Variants in SHROOM4 observed in about 807,000 individuals in gnomAD.
SHROOM4 encodes the protein shroom family member 4.
A neutral mutation model predicts 80.3 loss-of-function variants in SHROOM4; 17 were observed. The observed-to-expected ratio is 0.21, with a 90% confidence interval of 0.14 to 0.32. The LOEUF (loss-of-function observed/expected upper bound fraction) is 0.32. Ranked by LOEUF, SHROOM4 falls within the 10% of genes least tolerant of loss-of-function variation. The pLI is 1.00. For missense variants in SHROOM4, 993 were observed against 1,140.3 expected (o/e 0.87, Z 1.86); for synonymous variants, 400 against 437.5 (o/e 0.91, Z 1.07).
chrX:50,750,097 G>A (rs1934876714), intron 1 of SHROOM4, among the ~76,000 whole-genome samples: 1 of 111,631 alleles, frequency 9.0e-6, no homozygotes, highest in Admixed American at 9.5e-5. Context: ...TGGAATGATT[G>A]ATATAGAGGT....
chrX:50,636,207 G>T (rs1195895120), intron 3 of SHROOM4, among the ~76,000 whole-genome samples: 1 of 110,790 alleles, frequency 9.0e-6, no homozygotes, highest in Non-Finnish European at 1.9e-5. Context: ...TGAATCCTGA[G>T]AATTTGTACT....
intron 1 of SHROOM4, among the ~76,000 whole-genome samples, chrX:50,778,345 T>C (rs1481307291): frequency 2.7e-5 from 3 of 112,281 alleles, no homozygotes; most frequent in Non-Finnish European, 5.6e-5. Flanking sequence ...TCATTGCAAG[T>C]TATCTATTGG....
intron 5 of SHROOM4, among the ~76,000 whole-genome samples, chrX:50,618,832 A>G (rs1930450800): frequency 8.9e-6 from 1 of 112,192 alleles, no homozygotes; most frequent in African/African-American, 3.3e-5. Context: ...CCAGCTAGTA[A>G]AAAGCACAGT....
At chrX:50,757,737 C>T (rs781975908) in intron 1 of SHROOM4, among the ~76,000 whole-genome samples, 6 of 109,156 alleles carry the variant, frequency 5.5e-5, no homozygotes, top group East Asian at 2.9e-4. Flanking sequence ...GCAAGAGAAT[C>T]GCTTGAACCC....
At chrX:50,735,913 A>G (rs1934475795) in intron 1 of SHROOM4, among the ~76,000 whole-genome samples, 1 of 109,117 alleles carries the variant, frequency 9.2e-6, no homozygotes, top group East Asian at 2.9e-4. Context: ...AGGCTGAGGC[A>G]GGAGAATAGC....
intron 2 of SHROOM4, among the ~76,000 whole-genome samples, chrX:50,654,061 C>CCCCCA (rs1485812828): frequency 2.7e-5 from 3 of 111,813 alleles, no homozygotes; most frequent in East Asian, 5.7e-4. Context: ...GTGCTGCTTT[C>CCCCCA]CAAGGTAGGC....
intron 1 of SHROOM4, among the ~76,000 whole-genome samples, chrX:50,767,692 A>C (rs201791336): frequency 1.8e-5 from 2 of 111,863 alleles, no homozygotes; most frequent in East Asian, 5.6e-4. Context: ...ATTGCTAAAA[A>C]AAATGGTTTT....
At chrX:50,586,131 TAAG>T (rs1329662835), downstream of SHROOM4, among the ~76,000 whole-genome samples, 5 of 112,011 alleles carry the variant, frequency 4.5e-5, no homozygotes, top group Non-Finnish European at 9.4e-5. Flanking sequence ...AGTAGCTGTT[TAAG>T]TTTAGCCCAA....
At chrX:50,623,534 A>C (rs1016109067) in intron 5 of SHROOM4, among the ~76,000 whole-genome samples, 1 of 112,024 alleles carries the variant, frequency 8.9e-6, no homozygotes, top group Non-Finnish European at 1.9e-5. Context: ...TAATCTTTGT[A>C]GTAAAATTAG....
Position 50,593,267 on chromosome X carries a change from C to T in SHROOM4, c.*3428G>A, listed in dbSNP as rs1342775376. 3.6e-5 allele frequency: 4 copies of T among 112,072 alleles called. No homozygotes were observed. The highest frequency in any genetic ancestry group is 1.3e-4 in the African/African-American group (4 of 30,730). 9.2% of individuals were successfully genotyped at this position (112,072 alleles called of 1,213,427 possible). ...TAGGTGACCAAATTCCTTTCCAGTA[C>T]TTTTCAGCAGAATCTTTAGACTTCC... On this transcript the variant is annotated 3_prime_UTR_variant, in exon 9 of 9. Transcript: ENST00000376020.
At chrX:50,656,615 C>T (rs904825324) in intron 2 of SHROOM4, among the ~76,000 whole-genome samples, 1 of 110,336 alleles carries the variant, frequency 9.1e-6, no homozygotes, top group Non-Finnish European at 1.9e-5. Flanking sequence ...ATGGTATTTC[C>T]GTTTTTATGC....
intron 3 of SHROOM4, among the ~76,000 whole-genome samples, chrX:50,637,696 T>G (rs1445668869): frequency 2.7e-5 from 3 of 112,231 alleles, no homozygotes; most frequent in African/African-American, 9.7e-5. Flanking sequence ...GTCTGCCTCT[T>G]GGGCAACTGT....
intron 1 of SHROOM4, among the ~76,000 whole-genome samples, chrX:50,786,096 A>G (rs1327526748): frequency 8.9e-6 from 1 of 111,813 alleles, no homozygotes; most frequent in Non-Finnish European, 1.9e-5. Context: ...GGGAAATCTG[A>G]GAGACCCTGT....
intron 1 of SHROOM4, among the ~76,000 whole-genome samples, chrX:50,746,883 A>G (rs1459570083): frequency 8.9e-6 from 1 of 111,871 alleles, no homozygotes; most frequent in Non-Finnish European, 1.9e-5. Flanking sequence ...TGATATGGCA[A>G]CTCCAGCAGG....
chrX:50,661,569 T>A lies in SHROOM4; in HGVS notation c.270-23261A>T, dbSNP rs906854740. ...AGATAAGATCATATACTAAAAGTTA[T>A]ATACTAAACAATTGTCTTTGAATCA... On this transcript the variant is annotated intron_variant, in intron 2 of 8. Coordinates refer to ENST00000376020, the MANE Select transcript of SHROOM4 (RefSeq NM_020717.5). Among the ~76,000 whole-genome samples, 6 of 112,548 alleles carry A rather than the reference T, an allele frequency of 5.3e-5. No homozygotes were observed. The East Asian group carries it at 1.7e-3, about 31-fold the overall frequency.
chrX:50,708,632 C>T (rs942750151), intron 1 of SHROOM4, among the ~76,000 whole-genome samples: 1 of 112,122 alleles, frequency 8.9e-6, no homozygotes, highest in African/African-American at 3.2e-5. Flanking sequence ...ACATTTAGCA[C>T]GCCCATTAGC....
chrX:50,660,554 C>G (rs1460195147), intron 2 of SHROOM4, among the ~76,000 whole-genome samples: 1 of 45,232 alleles, frequency 2.2e-5, no homozygotes, highest in Non-Finnish European at 4.0e-5. Context: ...CCCTCTCTCT[C>G]CCTCCCTCCC....
At chrX:50,621,631 C>T (rs1450603628) in intron 5 of SHROOM4, among the ~76,000 whole-genome samples, 4 of 111,579 alleles carry the variant, frequency 3.6e-5, no homozygotes, top group Non-Finnish European at 7.5e-5. Flanking sequence ...TATAATTTTC[C>T]TTGAATAAGT....
chrX:50,641,321 G>C (rs1025086695), intron 2 of SHROOM4, among the ~76,000 whole-genome samples: 1 of 112,514 alleles, frequency 8.9e-6, no homozygotes, highest in Non-Finnish European at 1.9e-5. Flanking sequence ...GTATCTGTAA[G>C]TTGCTTAACC....
Sources: gnomAD v4.1 joint callset for allele counts (sites outside exome capture counted in the v4.1 genomes callset) on GRCh38, gnomAD v4.1.1 for gene constraint, MANE v1.5 for transcripts, NCBI Gene and HGNC (gene_info 2026-07-23, HGNC 2026-07-21) for gene names.